CREBBP: variants seen among roughly 807,000 people sequenced by gnomAD.
The protein encoded by CREBBP is CREB binding lysine acetyltransferase.
A neutral mutation model predicts 265.0 loss-of-function variants in CREBBP; 19 were observed. The ratio of observed to expected loss-of-function variants is 0.07; its 90% CI spans 0.05 to 0.11. The LOEUF (loss-of-function observed/expected upper bound fraction) is 0.11, where lower values mean the gene tolerates loss of function less well. Ranked by LOEUF, CREBBP falls within the 10% of genes least tolerant of loss-of-function variation. CREBBP has a pLI of 1.00. For synonymous variants in CREBBP, 1,457 were observed against 1,223.7 expected, an observed-to-expected ratio of 1.19 and a Z score of -3.98; for missense variants, 2,525 against 3,219.0, an observed-to-expected ratio of 0.78 and a Z score of 5.22.
intron 16 of CREBBP, among the ~76,000 whole-genome samples, chr16:3,760,953 G>A (rs2052702885): frequency 6.6e-6 from 1 of 151,992 alleles, no homozygotes. Context: ...TTTGTATCTT[G>A]AAAAGATTTG....
intron 15 of CREBBP, among the ~76,000 whole-genome samples, chr16:3,768,149 T>TG (rs2052908883): frequency 1.8e-5 from 2 of 112,986 alleles, no homozygotes; most frequent in Non-Finnish European, 3.5e-5. Flanking sequence ...TTTTTTTTTT[T>TG]TTTTTTTTTT....
intron 7 of CREBBP, 36 bp from the exon 8 acceptor site, chr16:3,780,914 GAAGTGACTCA>G: frequency 1.2e-6 from 2 of 1,611,500 alleles, no homozygotes; most frequent in Non-Finnish European, 1.7e-6. Flanking sequence ...TCCATCTACT[GAAGTGACTCA>G]AACACACTTT....
intron 4 of CREBBP, 42 bp downstream of exon 4, chr16:3,793,344 T>G: frequency 6.2e-7 from 1 of 1,613,066 alleles, no homozygotes; most frequent in Non-Finnish European, 8.5e-7. Flanking sequence ...AGGCAAATTC[T>G]TCCTGACCTC....
In CREBBP at chr16:3,770,577, C is replaced by A. The variant is rs1356131652; in HGVS notation, c.2873G>T (p.Gly958Val). ...AGAGACAGAGAGGCTTACCGGTGTG[C>A]CAGGAGGCTGGGCGTGCACAGGCGT... ...QPTPVHAQPP[G>V]TPLSQAAASI... is the part of the protein sequence containing the mutation. Residue 958 changes from glycine to valine, a missense_variant, in exon 14 of 31, where the codon GGC (glycine) becomes GTC (valine). Physicochemically the swap from Gly to Val is moderately radical, Grantham distance 109. This residue lies in a region of CREBBP where 548 missense variants were observed against 533.0 expected (regional missense o/e 1.03). Transcript: ENST00000262367. 1 of 1,613,056 alleles carries A rather than the reference C, an allele frequency of 6.2e-7. No homozygotes were observed. Among genetic ancestry groups the A allele is most frequent in the Non-Finnish European group, 8.5e-7 (1 of 1,179,964 alleles).
At position 3,793,444 on chromosome 16, in the gene CREBBP, T is replaced by C; in HGVS notation, c.1158A>G (p.Arg386=). The change falls in exon 4 of 31, where the codon CGA becomes CGG. Residue 386 remains arginine, a synonymous_variant. Coordinates refer to ENST00000262367, the MANE Select transcript of CREBBP (RefSeq NM_004380.3). Reference sequence around the variant, plus strand: ...TGTGATTCAAAACGTTTTTCATGGTTCGACAATGCGGGAGCGAGCAGGCCC... The same window carrying C: ...TGTGATTCAAAACGTTTTTCATGGTCCGACAATGCGGGAGCGAGCAGGCCC... ...EVRACSLPHC[R]TMKNVLNHMT... The C allele has an allele frequency of 6.2e-7, 1 of 1,614,160 alleles. No individual in the cohort carries two copies. Among genetic ancestry groups the C allele is most frequent in the South Asian group, 1.1e-5 (1 of 91,074 alleles).
intron 12 of CREBBP, 46 bp downstream of exon 12, chr16:3,774,523 T>C (rs2053089491): frequency 6.2e-7 from 1 of 1,612,386 alleles, no homozygotes; most frequent in South Asian, 1.1e-5. Flanking sequence ...TAATGTTCCA[T>C]GTGAGAGGGA....
At position 3,780,797 on chromosome 16, in the gene CREBBP, G is replaced by A. The variant is rs138353979; in HGVS notation, c.1758C>T (p.Thr586=). 1.7e-5 allele frequency: 27 copies of A among 1,613,984 alleles called. No individual in the cohort carries two copies. Among genetic ancestry groups the A allele is most frequent in the South Asian group, 1.1e-4 (10 of 91,074 alleles). The change falls in exon 8 of 31, where the codon ACC becomes ACT. Residue 586 remains threonine (T), a synonymous_variant. Coordinates refer to ENST00000262367, the MANE Select transcript of CREBBP (RefSeq NM_004380.3). Reference sequence around the variant, plus strand: ...GTTCGTGCCAGCCTTTCCTTACACCGGTGCTAGAAGGAGGAGCTGCTGTTG... The same window carrying A: ...GTTCGTGCCAGCCTTTCCTTACACCAGTGCTAGAAGGAGGAGCTGCTGTTG... ...TIPTAAPPSS[T]GVRKGWHEHV... is the part of the protein sequence containing the mutation.
intron 1 of CREBBP, among the ~76,000 whole-genome samples, chr16:3,861,909 T>C (rs1296361030): frequency 6.6e-6 from 1 of 152,116 alleles, no homozygotes; most frequent in South Asian, 2.1e-4. Flanking sequence ...ACAGTGATCT[T>C]ATCTTGAGTA....
chr16:3,855,827 G>A (rs2141522413), intron 1 of CREBBP, among the ~76,000 whole-genome samples: 1 of 152,260 alleles, frequency 6.6e-6, no homozygotes, highest in East Asian at 1.9e-4. Context: ...GACACAAACT[G>A]TACAATATTT....
At chr16:3,738,462 A>C (rs2052124754) in intron 26 of CREBBP, 97 bp downstream of exon 26, 1 of 786,070 alleles carries the variant, frequency 1.3e-6, no homozygotes, top group East Asian at 2.7e-5. Flanking sequence ...AAAAATAAAA[A>C]CGCATAAAAC....
chr16:3,855,418 C>A (rs544957993), intron 1 of CREBBP, among the ~76,000 whole-genome samples: 1 of 152,162 alleles, frequency 6.6e-6, no homozygotes, highest in Non-Finnish European at 1.5e-5. Flanking sequence ...GCGTGCACCA[C>A]CGCACCCGGC....
chr16:3,739,515 A>G (rs2151336179), intron 25 of CREBBP, 63 bp downstream of exon 25: 1 of 1,605,218 alleles, frequency 6.2e-7, no homozygotes, highest in Non-Finnish European at 8.5e-7. Context: ...GACACTTAAG[A>G]GCCCTGGTCT....
chr16:3,854,892 G>C (rs1463801000), intron 1 of CREBBP, among the ~76,000 whole-genome samples: 1 of 152,238 alleles, frequency 6.6e-6, no homozygotes, highest in Non-Finnish European at 1.5e-5. Flanking sequence ...GTACATGCAT[G>C]TAACAGTTTT....
chr16:3,840,022 C>G (rs1461001081), intron 2 of CREBBP, among the ~76,000 whole-genome samples: 1 of 152,156 alleles, frequency 6.6e-6, no homozygotes, highest in African/African-American at 2.4e-5. Context: ...CTTAACATGT[C>G]TACTAAACAG....
intron 21 of CREBBP, among the ~76,000 whole-genome samples, chr16:3,748,215 C>G (rs2052390757): frequency 2.0e-5 from 3 of 151,018 alleles, no homozygotes; most frequent in Non-Finnish European, 4.4e-5. Context: ...GAGGCGGAGG[C>G]TGCAGTGAGC....
chr16:3,792,775 A>G (rs992822645), intron 4 of CREBBP, among the ~76,000 whole-genome samples: 1 of 152,252 alleles, frequency 6.6e-6, no homozygotes, highest in Non-Finnish European at 1.5e-5. Context: ...TGTTAATAAG[A>G]AACACTTCCT....
chr16:3,819,531 T>C lies in CREBBP; in HGVS notation c.799-8752A>G, dbSNP rs373739360. 9.9e-4 allele frequency among the ~76,000 whole-genome samples: 150 copies of C among 152,282 alleles called. 6 individuals are homozygous for C. In the South Asian group the frequency reaches 0.028, roughly 29 times the overall value. Reference sequence around the variant, plus strand: ...GTAATGGTGGAGAGTGGTTCCAACATGTAGGACGATAGGGAGAGGCCGGCT... The same window carrying C: ...GTAATGGTGGAGAGTGGTTCCAACACGTAGGACGATAGGGAGAGGCCGGCT... On this transcript the variant is annotated intron_variant, in intron 2 of 30. Transcript: ENST00000262367.
intron 16 of CREBBP, 190 bp downstream of exon 16, chr16:3,767,530 C>T (rs1441482181): frequency 2.8e-6 from 2 of 723,818 alleles, no homozygotes; most frequent in East Asian, 5.4e-5. Context: ...GCCATGAGCC[C>T]CACAGGCACA....
chr16:3,756,927 T>C (rs1272703672), intron 19 of CREBBP, among the ~76,000 whole-genome samples: 1 of 152,222 alleles, frequency 6.6e-6, no homozygotes. Flanking sequence ...ACGGCAAGAC[T>C]TGGCTCTGAG....
Sources: gnomAD v4.1 joint callset for allele counts (sites outside exome capture counted in the v4.1 genomes callset) on GRCh38, gnomAD v4.1.1 for gene constraint, gnomAD v4.1.1 regional missense constraint, MANE v1.5 for transcripts, NCBI Gene and HGNC (gene_info 2026-07-23, HGNC 2026-07-21) for gene names.